The following RGS3 variants were observed in gnomAD, a reference collection of about 807,000 sequenced individuals.
RGS3 encodes the protein regulator of G-protein signalling 3.
Under a neutral mutation model 132.6 loss-of-function variants are expected in RGS3, and 80 were observed. That is an observed-to-expected ratio of 0.60 (90% CI 0.50 to 0.73). The LOEUF (loss-of-function observed/expected upper bound fraction) is 0.73, where lower values mean the gene tolerates loss of function less well. Ranked by LOEUF, RGS3 falls within the 30% of genes least tolerant of loss-of-function variation. RGS3 has a pLI of 0.00. For synonymous variants in RGS3, 598 were observed against 620.6 expected (o/e 0.96, Z 0.54); for missense variants, 1,382 against 1,530.8 (o/e 0.90, Z 1.62).
At chr9:113,517,937 T>A in intron 16 of RGS3, among the ~76,000 whole-genome samples, 1 of 152,090 alleles carries the variant, frequency 6.6e-6, no homozygotes, top group East Asian at 1.9e-4. Context: ...CTGTGGGGAG[T>A]GACTTTGGTG....
chr9:113,549,763 A>T (rs1195467850), intron 19 of RGS3, among the ~76,000 whole-genome samples: 1 of 152,218 alleles, frequency 6.6e-6, no homozygotes, highest in Non-Finnish European at 1.5e-5. Flanking sequence ...TTCTTCTACA[A>T]CATCATTTTC....
chr9:113,515,872 G>A (rs746700385), intron 15 of RGS3, among the ~76,000 whole-genome samples: 4 of 152,038 alleles, frequency 2.6e-5, no homozygotes, highest in Non-Finnish European at 5.9e-5. Context: ...TGGGTATACT[G>A]TATTTATTTA....
At position 113,579,251 on chromosome 9, in the gene RGS3, C is replaced by T. The variant is rs1279539349; in HGVS notation, c.2038-4199C>T. 6.6e-6 allele frequency among the ~76,000 whole-genome samples: 1 copy of T among 152,158 alleles called. No individual in the cohort carries two copies. Among genetic ancestry groups the T allele is most frequent in the Non-Finnish European group, 1.5e-5 (1 of 68,022 alleles). Reference sequence around the variant, plus strand: ...GTCACTTTCAGCAGCCCACCACTACCCTCAACCCAACATCCGGTGGGCATC... The same window carrying T: ...GTCACTTTCAGCAGCCCACCACTACTCTCAACCCAACATCCGGTGGGCATC... On this transcript the variant is annotated intron_variant, in intron 19 of 24. Coordinates refer to ENST00000350696, the Ensembl canonical transcript of RGS3. This position sits in a 1 kb window ranked among gnomAD's most constrained non-coding sequence, Gnocchi z 4.3.
At chr9:113,494,392 CT>C (rs1354412250) in intron 7 of RGS3, among the ~76,000 whole-genome samples, 1 of 152,130 alleles carries the variant, frequency 6.6e-6, no homozygotes, top group African/African-American at 2.4e-5. Flanking sequence ...TTGTAAACTT[CT>C]TTTTCTCTAA....
chr9:113,572,236 CA>C lies in RGS3; in HGVS notation c.2038-11213del, dbSNP rs1229848692. On this transcript the variant is annotated intron_variant, in intron 19 of 24. Coordinates refer to ENST00000350696, the Ensembl canonical transcript of RGS3. ...CCTAGAGGGATGAAGGCATTTTGAG[CA>C]GGAGACCAATATAGGCAAGTTGGTG... Among the ~76,000 whole-genome samples the C allele has an allele frequency of 3.3e-5, 5 of 152,102 alleles. No homozygotes were observed. The East Asian group carries it at 9.7e-4, about 29-fold the overall frequency.
At chr9:113,511,599 G>A (rs370224499) in intron 14 of RGS3, among the ~76,000 whole-genome samples, 4 of 152,210 alleles carry the variant, frequency 2.6e-5, no homozygotes, top group Non-Finnish European at 4.4e-5. Context: ...GGGCTGAGCC[G>A]ACTTTTCCTC....
intron 8 of RGS3, 117 bp downstream of exon 6, chr9:113,495,963 A>G: frequency 2.2e-6 from 2 of 902,686 alleles, no homozygotes; most frequent in Non-Finnish European, 3.7e-6. Context: ...TGCCCCACTG[A>G]GACAGGTGCC....
At chr9:113,453,159 C>CTCA (rs1236326888) in intron 1 of RGS3, among the ~76,000 whole-genome samples, 91 of 119,812 alleles carry the variant, frequency 7.6e-4, no homozygotes, top group African/African-American at 2.7e-3. Context: ...ATATAATATA[C>CTCA]TCATATGATT....
At chr9:113,458,213 G>C (rs1201812760), upstream of RGS3, among the ~76,000 whole-genome samples, 1 of 152,132 alleles carries the variant, frequency 6.6e-6, no homozygotes, top group African/African-American at 2.4e-5. Flanking sequence ...CACTGTGCCT[G>C]GCCAAATTCA....
chr9:113,553,459 AATATATATATATATAT>A (rs1217293385), intron 19 of RGS3, among the ~76,000 whole-genome samples: 16 of 58,698 alleles, frequency 2.7e-4, no homozygotes, highest in African/African-American at 1.1e-3. Context: ...AAAAAAAAAA[AATATATATATATATAT>A]ATATATATAT....
At chr9:113,472,229 A>G (rs1829857265) in intron 3 of RGS3, among the ~76,000 whole-genome samples, 1 of 152,244 alleles carries the variant, frequency 6.6e-6, no homozygotes, top group Non-Finnish European at 1.5e-5. Context: ...AATTAAATGT[A>G]GAGTTTCCAT....
intron 7 of RGS3, among the ~76,000 whole-genome samples, chr9:113,486,035 A>T (rs937128753): frequency 6.6e-6 from 1 of 152,206 alleles, no homozygotes; most frequent in Non-Finnish European, 1.5e-5. Context: ...CAATAACAAC[A>T]TGTACGTGCT....
At chr9:113,446,206 C>A (rs981006628) in intron 1 of RGS3, among the ~76,000 whole-genome samples, 1 of 152,200 alleles carries the variant, frequency 6.6e-6, no homozygotes, top group African/African-American at 2.4e-5. Flanking sequence ...TCTAAATTTT[C>A]TCTTTCCATT....
chr9:113,489,414 G>A (rs1217994395), intron 7 of RGS3, among the ~76,000 whole-genome samples: 2 of 152,148 alleles, frequency 1.3e-5, no homozygotes, highest in African/African-American at 2.4e-5. Context: ...GCTACATTAC[G>A]GTACACTTGA....
chr9:113,564,875 C>T, intron 19 of RGS3: 1 of 969,834 alleles, frequency 1.0e-6, no homozygotes. Context: ...GGTTCAGTTG[C>T]AGCCTCCCAC....
chr9:113,532,722 A>G (rs1832522260), intron 18 of RGS3, among the ~76,000 whole-genome samples: 1 of 152,154 alleles, frequency 6.6e-6, no homozygotes, highest in Admixed American at 6.5e-5. Context: ...TGTGCAGGGC[A>G]TGGGATTTGA....
At chr9:113,574,209 A>G (rs1834410867) in intron 19 of RGS3, among the ~76,000 whole-genome samples, 1 of 152,194 alleles carries the variant, frequency 6.6e-6, no homozygotes, top group South Asian at 2.1e-4. Context: ...GCGCTAAGTA[A>G]ACATTGCTTT....
intron 19 of RGS3, among the ~76,000 whole-genome samples, chr9:113,575,756 G>A (rs889163853): frequency 1.3e-5 from 2 of 152,204 alleles, no homozygotes; most frequent in Non-Finnish European, 2.9e-5. Flanking sequence ...AAAAAGGCCT[G>A]GGCCTTACTC....
intron 3 of RGS3, among the ~76,000 whole-genome samples, chr9:113,471,311 C>CA (rs1412280616): frequency 6.6e-6 from 1 of 152,060 alleles, no homozygotes; most frequent in African/African-American, 2.4e-5. Context: ...GGCAGAAACT[C>CA]ACTCAGTCTC....
Sources: allele counts gnomAD v4.1 joint callset (sites outside exome capture counted in the v4.1 genomes callset), GRCh38; gene constraint gnomAD v4.1.1; non-coding constraint Gnocchi (gnomAD v3.1); transcripts MANE v1.5; gene names NCBI Gene and HGNC (gene_info 2026-07-23, HGNC 2026-07-21).